The following TRAFD1 variants were observed in gnomAD, a reference collection of about 807,000 sequenced individuals.
The protein encoded by TRAFD1 is TRAF-type zinc finger domain containing 1, also known as TRAF-type zinc finger domain-containing protein 1.
Under a neutral mutation model 65.3 loss-of-function variants are expected in TRAFD1, and 38 were observed. That is an observed-to-expected ratio of 0.58 (90% CI 0.45 to 0.76). The LOEUF (loss-of-function observed/expected upper bound fraction) is 0.76, where lower values mean the gene tolerates loss of function less well. TRAFD1 is among the 30% of genes least tolerant of loss of function. The pLI, the probability that TRAFD1 is intolerant of heterozygous loss-of-function variation, is 0.00. For missense variants in TRAFD1, 631 were observed against 712.6 expected, an observed-to-expected ratio of 0.89 and a Z score of 1.30; for synonymous variants, 223 against 257.2, an observed-to-expected ratio of 0.87 and a Z score of 1.27.
intron 6 of TRAFD1, 118 bp from the exon 7 acceptor site, chr12:112,145,468 C>T (rs542423342): frequency 4.1e-6 from 4 of 973,674 alleles, no homozygotes; most frequent in Non-Finnish European, 6.2e-6. Flanking sequence ...AAATTGCTAT[C>T]TATAAGAAAC....
rs761089470 is a variant in TRAFD1 at position 112,152,252 on chromosome 12, G to C, written c.1619+112G>C. On this transcript the variant is annotated intron_variant, in intron 10 of 11. Coordinates refer to ENST00000412615, the MANE Select transcript of TRAFD1 (RefSeq NM_006700.3). This position sits in a 1 kb window ranked among gnomAD's most constrained non-coding sequence, Gnocchi z 5.0. ...TAAGACTGAGGTACTTGCATGGTAA[G>C]GGGAGGAGTATGGATTTTCCCTGTA... 7.1e-7 allele frequency: 1 copy of C among 1,417,782 alleles called. No homozygotes were observed. The highest frequency in any genetic ancestry group is 9.6e-7 in the Non-Finnish European group (1 of 1,042,196). The allele number at this position is 1,417,782 out of a possible 1,614,324, so 87.8% of individuals were successfully genotyped here.
At chr12:112,148,337 T>G in intron 8 of TRAFD1, 33 bp downstream of exon 8, 1 of 1,588,916 alleles carries the variant, frequency 6.3e-7, no homozygotes, top group Non-Finnish European at 8.6e-7. Flanking sequence ...TCCATGTGGC[T>G]CTGTGCGTGA....
chr12:112,149,761 A>G lies in TRAFD1; in HGVS notation c.1169A>G (p.Asp390Gly). ...EVLFHHQDQCDQRPATATNHV... is the reference protein window; with the variant it reads ...EVLFHHQDQCGQRPATATNHV... ...GTTTTTCTTGTTTAGGACCAGTGTGACCAACGCCCAGCCACTGCAACCAAC... is the reference window on the plus strand; with the variant it reads ...GTTTTTCTTGTTTAGGACCAGTGTGGCCAACGCCCAGCCACTGCAACCAAC... Residue 390 changes from aspartate (D) to glycine (G), a missense_variant, in exon 9 of 12, where the codon GAC becomes GGC. Transcript: ENST00000412615. 6.2e-7 allele frequency: 1 copy of G among 1,614,112 alleles called. No individual in the cohort carries two copies. The highest frequency in any genetic ancestry group is 8.5e-7 in the Non-Finnish European group (1 of 1,179,982).
Position 112,141,166 on chromosome 12 carries a change from C to T in TRAFD1, c.585C>T (p.His195=), listed in dbSNP as rs756046542. ...GAGCCTTTGAATCAGATGTTTTCCA[C>T]AATAGAACTACCAACCAAAGGAACA... The part of the protein sequence containing the change: ...PLRAFESDVF[H]NRTTNQRNIT... Residue 195 remains histidine (H), a synonymous_variant, in exon 5 of 12, where the codon CAC becomes CAT. Transcript: ENST00000412615. 1.9e-6 allele frequency: 3 copies of T among 1,614,152 alleles called. No homozygotes were observed. The highest frequency in any genetic ancestry group is 2.2e-5 in the South Asian group (2 of 91,088).
intron 4 of TRAFD1, among the ~76,000 whole-genome samples, chr12:112,139,565 A>T (rs535731690): frequency 9.7e-4 from 148 of 151,888 alleles, no homozygotes; most frequent in African/African-American, 3.5e-3. Context: ...CTGGGAGTAC[A>T]GGTGAATGCC....
chr12:112,135,206 C>G (rs1214053960), intron 4 of TRAFD1, 140 bp downstream of exon 4: 4 of 968,544 alleles, frequency 4.1e-6, no homozygotes. Context: ...TGTTTGAGGC[C>G]TTGACTATGT....
intron 1 of TRAFD1, among the ~76,000 whole-genome samples, chr12:112,127,171 G>A (rs2061952484): frequency 3.3e-5 from 5 of 151,764 alleles, no homozygotes; most frequent in African/African-American, 9.7e-5. Flanking sequence ...GGATTTCCCC[G>A]CATTCCCATC....
chr12:112,147,965 G>A (rs1328673262), intron 7 of TRAFD1, 109 bp from the exon 8 acceptor site: 70 of 1,076,430 alleles, frequency 6.5e-5, no homozygotes, highest in East Asian at 1.3e-4. Flanking sequence ...CACCGCGCCC[G>A]GCCAAGCATT....
At position 112,152,535 on chromosome 12, in the gene TRAFD1, G is replaced by T. The variant is rs745390831; in HGVS notation, c.1692+36G>T. 6.9e-5 allele frequency: 111 copies of T among 1,612,608 alleles called. 3 individuals are homozygous for T. The Admixed American group carries it at 1.5e-3, about 21-fold the overall frequency. On this transcript the variant is annotated intron_variant, in intron 11 of 11. Coordinates refer to ENST00000412615, the MANE Select transcript of TRAFD1 (RefSeq NM_006700.3). The surrounding 1 kb of genome is among the most constrained non-coding windows in gnomAD (Gnocchi z 5.0). ...CTCCAGCCCATGATGCTCAGTGGGG[G>T]ACTCAGACATGGTGGGGCTTGTGTG...
chr12:112,149,690 G>A (rs1455635775), intron 8 of TRAFD1, 61 bp from the exon 9 acceptor site: 12 of 1,603,458 alleles, frequency 7.5e-6, no homozygotes, highest in Middle Eastern at 1.7e-4. Context: ...TCCTCCCATC[G>A]CATGCTCTTT....
Position 112,152,066 on chromosome 12 carries a change from C to T in TRAFD1, c.1545C>T (p.Arg515=). ...AIAPGHVSVI[R]PPQNLYPENI... ...CCCCTGGGCACGTTTCAGTGATTCG[C>T]CCTCCTCAAAATCTCTACCCAGAAA... Residue 515 remains arginine, a synonymous_variant, in exon 10 of 12, where the codon CGC becomes CGT. Transcript: ENST00000412615. The surrounding 1 kb of genome is among the most constrained non-coding windows in gnomAD (Gnocchi z 5.0). 2 of 1,614,210 alleles carry T rather than the reference C, an allele frequency of 1.2e-6. No individual in the cohort carries two copies. Among genetic ancestry groups the T allele is most frequent in the Non-Finnish European group, 1.7e-6 (2 of 1,180,016 alleles).
chr12:112,135,686 C>T (rs1384646531), intron 4 of TRAFD1, among the ~76,000 whole-genome samples: 4 of 151,830 alleles, frequency 2.6e-5, no homozygotes, highest in South Asian at 4.2e-4. Flanking sequence ...GGATTACAGG[C>T]GTGAGCCACC....
intron 1 of TRAFD1, among the ~76,000 whole-genome samples, chr12:112,127,274 C>G (rs1339789777): frequency 1.3e-5 from 2 of 152,224 alleles, no homozygotes; most frequent in Non-Finnish European, 2.9e-5. Context: ...CCACTCTTAT[C>G]TACCTAAAGT....
rs978205795 is a variant in TRAFD1 at position 112,137,916 on chromosome 12, G to A, written c.237+2850G>A. The stretch of plus-strand genomic sequence containing the variant: ...TGTGTGCCTCAAACTGTAACAACTT[G>A]ATTTTATTAATTTATAATTAAATTA... On this transcript the variant is annotated intron_variant, in intron 4 of 11. Transcript: ENST00000412615. This position sits in a 1 kb window ranked among gnomAD's most constrained non-coding sequence, Gnocchi z 4.2. Among the ~76,000 whole-genome samples the A allele has an allele frequency of 2.0e-5, 3 of 151,994 alleles. No individual in the cohort carries two copies. The highest frequency in any genetic ancestry group is 4.4e-5 in the Non-Finnish European group (3 of 68,014).
chr12:112,144,283 T>C (rs1593870179), intron 6 of TRAFD1, among the ~76,000 whole-genome samples: 1 of 151,800 alleles, frequency 6.6e-6, no homozygotes, highest in African/African-American at 2.4e-5. Context: ...TTTTTTTTTT[T>C]TCTTGAGACA....
Position 112,142,243 on chromosome 12 carries a change from A to T in TRAFD1, c.798A>T (p.Val266=). 1.2e-6 allele frequency: 2 copies of T among 1,613,932 alleles called. No homozygotes were observed. The highest frequency in any genetic ancestry group is 2.2e-5 in the South Asian group (2 of 91,072). Residue 266 remains valine (V), a synonymous_variant, in exon 6 of 12, where the codon GTA becomes GTT. Coordinates refer to ENST00000412615, the MANE Select transcript of TRAFD1 (RefSeq NM_006700.3). ...SVAEQDFWRA[V]CEADQSHGGP... The stretch of plus-strand genomic sequence containing the variant: ...CAGAGCAGGACTTCTGGAGGGCCGT[A>T]TGTGAGGCCGACCAGTCTCATGGCG...
chr12:112,145,289 T>C (rs751658941), intron 6 of TRAFD1, among the ~76,000 whole-genome samples: 4 of 152,220 alleles, frequency 2.6e-5, no homozygotes, highest in Non-Finnish European at 5.9e-5. Flanking sequence ...TTATTGCCTA[T>C]GGTTATTACA....
intron 4 of TRAFD1, among the ~76,000 whole-genome samples, chr12:112,138,757 C>T (rs935950768): frequency 2.7e-5 from 4 of 150,618 alleles, no homozygotes; most frequent in African/African-American, 9.8e-5. Flanking sequence ...ACTTGGGAGG[C>T]TGAGGCAGGA....
At position 112,135,057 on chromosome 12, in the gene TRAFD1, G is replaced by A. The variant is rs749055079; in HGVS notation, c.228G>A (p.Lys76=). Residue 76 remains lysine, a synonymous_variant, in exon 4 of 12, where the codon AAG becomes AAA. Coordinates refer to ENST00000412615, the MANE Select transcript of TRAFD1 (RefSeq NM_006700.3). ...CNKKLEKRLL[K]KHEETECPLR... Reference sequence around the variant, plus strand: ...AGAAGTTGGAGAAGAGGCTGTTAAAGAAGCATGAGGTTAGTCCATGGAGTG... The same window carrying A: ...AGAAGTTGGAGAAGAGGCTGTTAAAAAAGCATGAGGTTAGTCCATGGAGTG... The A allele has an allele frequency of 5.4e-5, 87 of 1,614,096 alleles. No individual in the cohort carries two copies. The highest frequency in any genetic ancestry group is 6.2e-5 in the Non-Finnish European group (73 of 1,180,038).
Sources: gnomAD v4.1 joint callset for allele counts (sites outside exome capture counted in the v4.1 genomes callset) on GRCh38, gnomAD v4.1.1 for gene constraint, Gnocchi (gnomAD v3.1) non-coding constraint, MANE v1.5 for transcripts, NCBI Gene and HGNC (gene_info 2026-07-23, HGNC 2026-07-21) for gene names.